ZBTB38: variants seen among roughly 807,000 people sequenced by gnomAD.
ZBTB38 encodes zinc finger and BTB domain-containing protein 38.
ZBTB38 carries 20 observed loss-of-function variants against 76.8 expected under a neutral mutation model. That is an observed-to-expected ratio of 0.26 (90% CI 0.18 to 0.38). The LOEUF is 0.38. Among genes scored for constraint, ZBTB38 ranks in the 10% least tolerant of loss-of-function variants. The pLI is 1.00. For synonymous variants in ZBTB38, 504 were observed against 544.2 expected, an observed-to-expected ratio of 0.93 and a Z score of 1.03; for missense variants, 1,082 against 1,482.3, an observed-to-expected ratio of 0.73 and a Z score of 4.43.
intron 4 of ZBTB38, among the ~76,000 whole-genome samples, chr3:141,398,747 G>A (rs563599674): frequency 3.3e-5 from 5 of 152,062 alleles, no homozygotes; most frequent in African/African-American, 1.2e-4. Flanking sequence ...TTTTTTAAAT[G>A]TGGATTACTA....
At chr3:141,426,595 G>A (rs912157297) in intron 5 of ZBTB38, among the ~76,000 whole-genome samples, 2 of 152,186 alleles carry the variant, frequency 1.3e-5, no homozygotes, top group African/African-American at 4.8e-5. Context: ...CTGCCAGAGT[G>A]TGGGAAGGGA....
chr3:141,370,874 G>T (rs895206688), intron 2 of ZBTB38, among the ~76,000 whole-genome samples: 2 of 152,108 alleles, frequency 1.3e-5, no homozygotes, highest in African/African-American at 4.8e-5. Context: ...TGGTCTATAG[G>T]AAAGCTCTTG....
At chr3:141,393,099 G>T (rs1348608343) in intron 4 of ZBTB38, among the ~76,000 whole-genome samples, 1 of 152,186 alleles carries the variant, frequency 6.6e-6, no homozygotes, top group Non-Finnish European at 1.5e-5. Flanking sequence ...GTTTTCTGGT[G>T]CTGTTTGGTT....
rs535614572 is a variant in ZBTB38, at chr3:141,353,807, A to G, written c.-738-14814A>G. Among the ~76,000 whole-genome samples, 127 of 152,244 alleles carry G rather than the reference A, an allele frequency of 8.3e-4. 1 individual carries two copies. The highest frequency in any genetic ancestry group is 1.4e-3 in the Non-Finnish European group (93 of 68,008). On this transcript the variant is annotated intron_variant, in intron 1 of 7. Coordinates refer to the ZBTB38 transcript ENST00000509842. Reference sequence around the variant, plus strand: ...AGCTGTCTGATGACAGTCCTGGTTCACTGTTACTCACTGTAGATGGAGACA... The same window carrying G: ...AGCTGTCTGATGACAGTCCTGGTTCGCTGTTACTCACTGTAGATGGAGACA...
chr3:141,394,427 C>T (rs1024644556), intron 4 of ZBTB38: 3 of 152,234 alleles, frequency 2.0e-5, no homozygotes, highest in Non-Finnish European at 2.9e-5. Context: ...CATCACTGTA[C>T]TAGATCTGAA....
chr3:141,423,790 T>C (rs918787911), intron 5 of ZBTB38, among the ~76,000 whole-genome samples: 3 of 151,788 alleles, frequency 2.0e-5, no homozygotes, highest in Non-Finnish European at 4.4e-5. Context: ...AACTAATGAA[T>C]CCACTAAACT....
intron 5 of ZBTB38, among the ~76,000 whole-genome samples, chr3:141,426,370 C>T (rs545802294): frequency 2.6e-5 from 4 of 152,258 alleles, no homozygotes; most frequent in South Asian, 2.1e-4. Context: ...TGAGAACAAC[C>T]GTTATAAGTA....
intron 5 of ZBTB38, among the ~76,000 whole-genome samples, chr3:141,408,927 C>G (rs1486358998): frequency 6.6e-6 from 1 of 152,194 alleles, no homozygotes. Flanking sequence ...GGAGTTAGGT[C>G]TGTACCTTAT....
At chr3:141,391,161 A>C (rs2149340516) in intron 4 of ZBTB38, among the ~76,000 whole-genome samples, 1 of 151,682 alleles carries the variant, frequency 6.6e-6, no homozygotes, top group South Asian at 2.1e-4. Context: ...CTCTTTCTCT[A>C]AAAAAAAATT....
chr3:141,409,962 G>C (rs13099193), intron 5 of ZBTB38, among the ~76,000 whole-genome samples: 6 of 152,108 alleles, frequency 3.9e-5, no homozygotes, highest in Admixed American at 3.3e-4. Context: ...AAAGACATTC[G>C]TGAGAATCCA....
chr3:141,371,437 C>A (rs1451303980), intron 2 of ZBTB38, among the ~76,000 whole-genome samples: 1 of 151,590 alleles, frequency 6.6e-6, no homozygotes, highest in Admixed American at 6.6e-5. Context: ...ACTGCAGCCT[C>A]AACTTCTCAG....
Position 141,445,174 on chromosome 3 carries a change from G to A in ZBTB38, c.2786G>A (p.Arg929Lys). The A allele has an allele frequency of 6.2e-7, 1 of 1,614,040 alleles. No homozygotes were observed. Among genetic ancestry groups the A allele is most frequent in the Non-Finnish European group, 8.5e-7 (1 of 1,179,998 alleles). ...AACTACAAACCCAAAAAGAAATCCA[G>A]ACAGTTGAAAAAAATGAGGAAAGTC... ...YYNYKPKKKS[R>K]QLKKMRKVNW... The change falls in exon 6 of 6, where the codon AGA (arginine) becomes AAA (lysine). Residue 929 changes from arginine to lysine, a missense_variant. By Grantham distance (26) the Arg-to-Lys change is conservative. Transcript: ENST00000321464. The surrounding 1 kb of genome is among the most constrained non-coding windows in gnomAD (Gnocchi z 6.5).
In ZBTB38 at chr3:141,443,423, C is replaced by T; in HGVS notation, c.1035C>T (p.Ser345=). Residue 345 remains serine, a synonymous_variant, in exon 6 of 6, where the codon AGC becomes AGT. Coordinates refer to ENST00000321464, the MANE Select transcript of ZBTB38 (RefSeq NM_001376113.1). This position sits in a 1 kb window ranked among gnomAD's most constrained non-coding sequence, Gnocchi z 5.6. ...AEVPPLVYNC[S]CCSKAFDSST... is the part of the protein sequence containing the mutation. ...TTCCACCTCTGGTGTACAATTGTAG[C>T]TGCTGTTCCAAAGCCTTTGACAGCA... 1 of 1,614,254 alleles carries T rather than the reference C, an allele frequency of 6.2e-7. No homozygotes were observed. The highest frequency in any genetic ancestry group is 8.5e-7 in the Non-Finnish European group (1 of 1,180,048).
At chr3:141,420,373 T>G (rs947548135) in intron 5 of ZBTB38, among the ~76,000 whole-genome samples, 2 of 152,222 alleles carry the variant, frequency 1.3e-5, no homozygotes, top group Non-Finnish European at 2.9e-5. Context: ...AGACCACAGA[T>G]CAGTTCCAGG....
At chr3:141,396,611 T>C in intron 4 of ZBTB38, 1 of 187,348 alleles carries the variant, frequency 5.3e-6, no homozygotes, top group Non-Finnish European at 1.1e-5. Flanking sequence ...CCCAGATCCA[T>C]CAGAGCAATC....
chr3:141,448,314 T>C lies in ZBTB38; in HGVS notation c.*2338T>C, dbSNP rs1439084982. On this transcript the variant is annotated 3_prime_UTR_variant, in exon 6 of 6. Transcript: ENST00000321464. The stretch of plus-strand genomic sequence containing the variant: ...AATATTTTCTATAATTGTATTCATT[T>C]AAAATGTTGATAGCTTGTGTTAGTT... The C allele has an allele frequency of 6.5e-6, 1 of 152,672 alleles. No individual in the cohort carries two copies. The highest frequency in any genetic ancestry group is 1.9e-4 in the East Asian group (1 of 5,204). The allele number at this position is 152,672 out of a possible 1,614,324, so 9.5% of individuals were successfully genotyped here. A position where few individuals can be genotyped will look rare whatever the true frequency, so the allele number is the denominator to read the frequency against.
Position 141,443,550 on chromosome 3 carries a change from C to G in ZBTB38, c.1162C>G (p.Arg388Gly). 1 of 1,614,182 alleles carries G rather than the reference C, an allele frequency of 6.2e-7. No homozygotes were observed. Among genetic ancestry groups the G allele is most frequent in the Non-Finnish European group, 8.5e-7 (1 of 1,180,040 alleles). Residue 388 changes from arginine (R) to glycine (G), a missense_variant, in exon 6 of 6, where the codon CGG becomes GGG. By Grantham distance (125) the Arg-to-Gly change is moderately radical (BLOSUM62 -2). This residue lies in a region of ZBTB38 where 324 missense variants were observed against 359.1 expected (regional missense o/e 0.90). Transcript: ENST00000321464. The surrounding 1 kb of genome is among the most constrained non-coding windows in gnomAD (Gnocchi z 5.6). Reference sequence around the variant, plus strand: ...ATTCACCACCCTGAACAGGTTGGATCGGCATGAACAGATCTGCATGAGGTC... The same window carrying G: ...ATTCACCACCCTGAACAGGTTGGATGGGCATGAACAGATCTGCATGAGGTC... Reference protein sequence around the residue: ...KQFTTLNRLDRHEQICMRSSH... With the variant: ...KQFTTLNRLDGHEQICMRSSH...
chr3:141,388,677 G>C (rs2149289022), intron 4 of ZBTB38: 1 of 152,260 alleles, frequency 6.6e-6, no homozygotes, highest in East Asian at 1.9e-4. Flanking sequence ...GCAAAAGAAT[G>C]TCTTTAAAAA....
chr3:141,345,437 A>T (rs1160801286), intron 1 of ZBTB38, among the ~76,000 whole-genome samples: 2 of 152,132 alleles, frequency 1.3e-5, no homozygotes, highest in Non-Finnish European at 2.9e-5. Context: ...TGGTGTATAC[A>T]TGGGGGCATG....
Sources: allele counts gnomAD v4.1 joint callset (sites outside exome capture counted in the v4.1 genomes callset), GRCh38; gene constraint gnomAD v4.1.1; regional missense constraint gnomAD v4.1.1; non-coding constraint Gnocchi (gnomAD v3.1); transcripts MANE v1.5; gene names NCBI Gene and HGNC (gene_info 2026-07-23, HGNC 2026-07-21).